The following BDP1 variants were observed in gnomAD, a reference collection of about 807,000 sequenced individuals.
The protein encoded by BDP1 is BDP1 general transcription factor IIIB subunit.
Under a neutral mutation model 266.6 loss-of-function variants are expected in BDP1, and 169 were observed. That is an observed-to-expected ratio of 0.63 (90% CI 0.56 to 0.72). BDP1 has a LOEUF of 0.72. Ranked by LOEUF, BDP1 falls within the 30% of genes least tolerant of loss-of-function variation. BDP1 has a pLI of 0.00. For missense variants in BDP1, 3,015 were observed against 3,053.8 expected, an observed-to-expected ratio of 0.99 and a Z score of 0.30; for synonymous variants, 1,090 against 1,022.4, an observed-to-expected ratio of 1.07 and a Z score of -1.26.
Position 71,549,622 on chromosome 5 carries a change from A to G in BDP1, c.6995+16A>G, listed in dbSNP as rs1207930991. On this transcript the variant is annotated intron_variant, in intron 34 of 38. Transcript: ENST00000358731. ...GTGACATGAGGTAACGAATGAGTGA[A>G]ACTGTTTTTGCTAGGAGGAAAAGTG... The G allele has an allele frequency of 4.4e-6, 7 of 1,578,154 alleles. No homozygotes were observed. In the Admixed American group the frequency reaches 1.3e-4, roughly 29 times the overall value.
intron 19 of BDP1, among the ~76,000 whole-genome samples, 191 bp downstream of exon 19, chr5:71,513,598 A>G (rs1406220153): frequency 2.6e-5 from 4 of 152,200 alleles, no homozygotes; most frequent in Non-Finnish European, 5.9e-5. Flanking sequence ...CAGATATCTG[A>G]TAATGGGCAA....
intron 9 of BDP1, among the ~76,000 whole-genome samples, 172 bp from the exon 10 acceptor site, chr5:71,489,232 C>A (rs146672999): frequency 3.1e-4 from 47 of 152,074 alleles, no homozygotes; most frequent in Non-Finnish European, 4.7e-4. Flanking sequence ...TTATTGGCTC[C>A]GTGGATTTTT....
the BDP1 span, among the ~76,000 whole-genome samples, chr5:71,573,264 A>G: frequency 4.0e-5 from 6 of 151,752 alleles, no homozygotes; most frequent in Non-Finnish European, 7.4e-5. Flanking sequence ...AAGAAAAAAC[A>G]GGAGAGGGAG....
rs1270269450 is a variant in BDP1 at position 71,501,627 on chromosome 5, G to A, written c.2022G>A (p.Glu674=). ...DILRMETTER[E]NPEAETVSVL... ...TGAGAATGGAGACTACAGAGAGAGA[G>A]AATCCAGAAGCTGAAACTGTATCTG... Residue 674 remains glutamate, a synonymous_variant, in exon 14 of 39, where the codon GAG becomes GAA. Coordinates refer to ENST00000358731, the MANE Select transcript of BDP1 (RefSeq NM_018429.3). 1 of 1,525,960 alleles carries A rather than the reference G, an allele frequency of 6.6e-7. No individual in the cohort carries two copies. The highest frequency in any genetic ancestry group is 1.7e-5 in the Admixed American group (1 of 57,244). The allele number at this position is 1,525,960 out of a possible 1,614,324, so 94.5% of individuals were successfully genotyped here.
At chr5:71,547,959 A>T (rs1422864087) in intron 32 of BDP1, among the ~76,000 whole-genome samples, 1 of 152,024 alleles carries the variant, frequency 6.6e-6, no homozygotes, top group Non-Finnish European at 1.5e-5. Flanking sequence ...TCTCAAAAAA[A>T]TAAATAAATA....
intron 28 of BDP1, among the ~76,000 whole-genome samples, 178 bp downstream of exon 28, chr5:71,539,827 G>A (rs1328589159): frequency 2.6e-5 from 4 of 151,912 alleles, no homozygotes; most frequent in African/African-American, 9.7e-5. Context: ...CTGTTTAGGT[G>A]TAGTGACAGC....
In BDP1 at chr5:71,455,831, G is replaced by A. The variant is rs753019785; in HGVS notation, c.-47G>A. The A allele has an allele frequency of 6.6e-6, 10 of 1,508,916 alleles. No individual in the cohort carries two copies. The Admixed American group carries it at 1.7e-4, about 25-fold the overall frequency. The allele number at this position is 1,508,916 out of a possible 1,614,324, so 93.5% of individuals were successfully genotyped here. On this transcript the variant is annotated 5_prime_UTR_variant, in exon 1 of 39. Transcript: ENST00000358731. ...TTCCGGGCAGCCGCCGGGGCTCGGGGCTGTGAGCGGCCGTGAGGCTGCCTC... is the reference window on the plus strand; with the variant it reads ...TTCCGGGCAGCCGCCGGGGCTCGGGACTGTGAGCGGCCGTGAGGCTGCCTC...
At chr5:71,533,049 G>T (rs1766351243) in intron 26 of BDP1, among the ~76,000 whole-genome samples, 1 of 152,060 alleles carries the variant, frequency 6.6e-6, no homozygotes. Context: ...TTTGTGTCTG[G>T]CTTTTTTCAC....
chr5:71,567,911 G>A (rs1265696214), downstream of BDP1: 1 of 152,220 alleles, frequency 6.6e-6, no homozygotes, highest in Non-Finnish European at 1.5e-5. Flanking sequence ...GGAGGCCGAG[G>A]TGGGAGGATT....
intron 21 of BDP1, 96 bp from the exon 22 acceptor site, chr5:71,517,226 G>T (rs979177269): frequency 2.7e-5 from 28 of 1,051,836 alleles, no homozygotes; most frequent in Middle Eastern, 6.3e-4. Context: ...AAAAAGAAAA[G>T]GGATTTTAAA....
intron 7 of BDP1, among the ~76,000 whole-genome samples, chr5:71,475,080 T>C (rs1345666018): frequency 6.6e-6 from 1 of 152,164 alleles, no homozygotes; most frequent in Non-Finnish European, 1.5e-5. Flanking sequence ...TCCTTAAATG[T>C]ACTTTATTTT....
intron 37 of BDP1, among the ~76,000 whole-genome samples, chr5:71,561,108 AAG>A (rs1491464772): frequency 3.9e-4 from 57 of 145,578 alleles, no homozygotes; most frequent in African/African-American, 1.4e-3. Context: ...TCTCTGAAAA[AAG>A]AAAAAAAAAG....
rs531053397 is a variant in BDP1 at position 71,470,291 on chromosome 5, A to C, written c.920-104A>C. ...AGGTGTTTTTAGGTATTGCATGGGGATCTTTCTAGTAAAATTAAGTACTGT... is the reference window on the plus strand; with the variant it reads ...AGGTGTTTTTAGGTATTGCATGGGGCTCTTTCTAGTAAAATTAAGTACTGT... On this transcript the variant is annotated intron_variant, in intron 6 of 38. Transcript: ENST00000358731. 77 of 813,808 alleles carry C rather than the reference A, an allele frequency of 9.5e-5. 1 individual carries two copies. The highest frequency in any genetic ancestry group is 1.5e-4 in the Non-Finnish European group (74 of 505,438). 50.4% of individuals were successfully genotyped at this position (813,808 alleles called of 1,614,324 possible).
At chr5:71,505,186 TA>T (rs1764511138) in intron 16 of BDP1, among the ~76,000 whole-genome samples, 1 of 152,056 alleles carries the variant, frequency 6.6e-6, no homozygotes, top group South Asian at 2.1e-4. Context: ...TTTGTATTTT[TA>T]GTAGAAACAG....
At position 71,510,442 on chromosome 5, in the gene BDP1, A is replaced by C; in HGVS notation, c.3350A>C (p.Asp1117Ala). Residue 1117 changes from aspartate to alanine, a missense_variant, in exon 17 of 39, where the codon GAT (aspartate) becomes GCT (alanine). Physicochemically the swap from Asp to Ala is moderately radical, Grantham distance 126 (BLOSUM62 -2). Coordinates refer to ENST00000358731, the MANE Select transcript of BDP1 (RefSeq NM_018429.3). Reference protein sequence around the residue: ...EVKPLGEMQTDLKATGREISP... With the variant: ...EVKPLGEMQTALKATGREISP... ...AAGCCTCTAGGTGAAATGCAAACAGATTTGAAAGCAACCGGAAGGGAGATT... is the reference window on the plus strand; with the variant it reads ...AAGCCTCTAGGTGAAATGCAAACAGCTTTGAAAGCAACCGGAAGGGAGATT... The C allele has an allele frequency of 6.2e-7, 1 of 1,613,888 alleles. No homozygotes were observed. Among genetic ancestry groups the C allele is most frequent in the Admixed American group, 1.7e-5 (1 of 60,014 alleles).
chr5:71,506,758 T>TATATATATATATATA (rs1449143107), intron 16 of BDP1, among the ~76,000 whole-genome samples: 3 of 135,854 alleles, frequency 2.2e-5, no homozygotes, highest in African/African-American at 8.4e-5. Context: ...GTTTGGAGGT[T>TATATATATATATATA]TATATATATA....
intron 7 of BDP1, among the ~76,000 whole-genome samples, chr5:71,482,133 A>G (rs1763003347): frequency 6.6e-6 from 1 of 152,148 alleles, no homozygotes; most frequent in Non-Finnish European, 1.5e-5. Flanking sequence ...TAAGCCTTAT[A>G]TTCTGGACAT....
chr5:71,485,093 A>G (rs1763184414), intron 8 of BDP1, among the ~76,000 whole-genome samples: 1 of 152,248 alleles, frequency 6.6e-6, no homozygotes, highest in African/African-American at 2.4e-5. Flanking sequence ...AAATCTATAA[A>G]CAGTCTATTT....
At chr5:71,537,140 C>T (rs568565920) in intron 26 of BDP1, among the ~76,000 whole-genome samples, 1,199 of 63,312 alleles carry the variant, frequency 0.019, 17 homozygotes, top group African/African-American at 0.062. Context: ...AGCCAAAAAA[C>T]CAAAAAACCA....
Sources: allele counts gnomAD v4.1 joint callset (sites outside exome capture counted in the v4.1 genomes callset), GRCh38; gene constraint gnomAD v4.1.1; transcripts MANE v1.5; gene names NCBI Gene and HGNC (gene_info 2026-07-23, HGNC 2026-07-21).